CNTN5: variants seen among roughly 807,000 people sequenced by gnomAD.
CNTN5 encodes contactin 5.
CNTN5 carries 77 observed loss-of-function variants against 129.1 expected under a neutral mutation model. The ratio of observed to expected loss-of-function variants is 0.60; its 90% CI spans 0.50 to 0.72. The LOEUF is 0.72. Among genes scored for constraint, CNTN5 ranks in the 30% least tolerant of loss-of-function variants. CNTN5 has a pLI of 0.00. For synonymous variants in CNTN5, 509 were observed against 465.6 expected (o/e 1.09, Z -1.20); for missense variants, 1,478 against 1,328.8 (o/e 1.11, Z -1.75).
intron 9 of CNTN5, among the ~76,000 whole-genome samples, chr11:100,017,185 T>C (rs1049545660): frequency 6.6e-6 from 1 of 151,906 alleles, no homozygotes; most frequent in African/African-American, 2.4e-5. Flanking sequence ...GTTTTATATA[T>C]CCCTACAGAG....
chr11:99,107,320 T>G (rs1215959480), intron 1 of CNTN5, among the ~76,000 whole-genome samples: 1 of 152,194 alleles, frequency 6.6e-6, no homozygotes, highest in Non-Finnish European at 1.5e-5. Context: ...AACAAATTTA[T>G]GCAAAATTAA....
chr11:99,418,777 A>G (rs1008023089), intron 2 of CNTN5, among the ~76,000 whole-genome samples: 1 of 152,160 alleles, frequency 6.6e-6, no homozygotes, highest in Non-Finnish European at 1.5e-5. Flanking sequence ...TTTCTTAAGT[A>G]TCTGTCGAAT....
chr11:100,193,741 A>G, intron 15 of CNTN5, 78 bp downstream of exon 15: 2 of 1,233,772 alleles, frequency 1.6e-6, no homozygotes, highest in Non-Finnish European at 2.3e-6. Flanking sequence ...TTGCTTAGCT[A>G]TGAAGTGCTA....
chr11:100,000,835 G>A (rs1285264750), intron 8 of CNTN5, among the ~76,000 whole-genome samples: 3 of 152,182 alleles, frequency 2.0e-5, no homozygotes, highest in African/African-American at 7.2e-5. Context: ...ACACCACATG[G>A]AATTTGCCAA....
At chr11:99,129,068 TC>T (rs545387664) in intron 1 of CNTN5, among the ~76,000 whole-genome samples, 75 of 152,184 alleles carry the variant, frequency 4.9e-4, no homozygotes, top group Non-Finnish European at 8.7e-4. Context: ...CAAACACTTC[TC>T]CAGCAAGGCC....
At chr11:99,872,382 C>G (rs529908415) in intron 6 of CNTN5, among the ~76,000 whole-genome samples, 33 of 151,932 alleles carry the variant, frequency 2.2e-4, no homozygotes, top group Non-Finnish European at 4.0e-4. Context: ...TCCAAAAACA[C>G]AATATTTAAT....
intron 23 of CNTN5, 109 bp from the exon 24 acceptor site, chr11:100,350,593 C>T (rs1952386214): frequency 1.0e-5 from 8 of 762,538 alleles, no homozygotes; most frequent in Non-Finnish European, 1.7e-5. Context: ...ATGTATCTGT[C>T]TAAACTGTAA....
intron 1 of CNTN5, among the ~76,000 whole-genome samples, chr11:99,092,611 A>C (rs535341946): frequency 6.2e-4 from 95 of 152,214 alleles, no homozygotes; most frequent in African/African-American, 1.9e-3. Context: ...ATATCCATTA[A>C]CTTAGAAACC....
At chr11:99,886,243 C>T (rs1700049112) in intron 6 of CNTN5, among the ~76,000 whole-genome samples, 1 of 151,872 alleles carries the variant, frequency 6.6e-6, no homozygotes, top group South Asian at 2.1e-4. Context: ...TAAAATTCAG[C>T]ATAAAAATGT....
At chr11:100,174,660 G>T (rs1029702484) in intron 13 of CNTN5, among the ~76,000 whole-genome samples, 1 of 151,958 alleles carries the variant, frequency 6.6e-6, no homozygotes, top group Admixed American at 6.6e-5. Flanking sequence ...TTTGTTTTTT[G>T]TTTGTTTGTT....
intron 3 of CNTN5, among the ~76,000 whole-genome samples, chr11:99,791,114 T>A (rs2135434718): frequency 3.6e-5 from 1 of 28,076 alleles, no homozygotes; most frequent in African/African-American, 7.4e-5. Flanking sequence ...TGTTGATAGT[T>A]TTTTTTTTTC....
intron 8 of CNTN5, among the ~76,000 whole-genome samples, chr11:99,962,309 C>A (rs1244093038): frequency 7.7e-6 from 1 of 130,690 alleles, no homozygotes; most frequent in African/African-American, 2.7e-5. Context: ...CCCTCCCCCT[C>A]CCCCCACCCC....
intron 2 of CNTN5, among the ~76,000 whole-genome samples, chr11:99,480,796 G>A (rs1945566864): frequency 6.6e-6 from 1 of 151,898 alleles, no homozygotes. Flanking sequence ...CAGGCCATGA[G>A]GTATTTCTGT....
chr11:99,082,950 A>AT (rs1865865704), intron 1 of CNTN5, among the ~76,000 whole-genome samples: 1 of 151,994 alleles, frequency 6.6e-6, no homozygotes, highest in Admixed American at 6.6e-5. Context: ...TTAATTCTAG[A>AT]TTTTAGGATT....
intron 21 of CNTN5, among the ~76,000 whole-genome samples, chr11:100,328,064 A>T (rs535482806): frequency 1.1e-3 from 164 of 152,208 alleles, no homozygotes; most frequent in African/African-American, 3.8e-3. Flanking sequence ...AAAACCTAAC[A>T]AGCAGGCCAG....
chr11:99,492,973 G>A (rs1946093054), intron 2 of CNTN5, among the ~76,000 whole-genome samples: 1 of 152,148 alleles, frequency 6.6e-6, no homozygotes, highest in South Asian at 2.1e-4. Flanking sequence ...TCTGGAATGA[G>A]TAACTTATGG....
chr11:99,260,859 C>G (rs934541405), intron 1 of CNTN5, among the ~76,000 whole-genome samples: 1 of 151,812 alleles, frequency 6.6e-6, no homozygotes, highest in Admixed American at 6.6e-5. Flanking sequence ...CTTAGGAATC[C>G]TACAAATGCT....
intron 1 of CNTN5, among the ~76,000 whole-genome samples, chr11:99,190,265 A>G (rs12365098): frequency 0.21 from 31,971 of 151,566 alleles, 3,454 homozygotes; most frequent in Middle Eastern, 0.26. Flanking sequence ...TTGTGTTTAT[A>G]TGGCAGTACC....
chr11:99,979,823 C>A (rs190232858), intron 8 of CNTN5, among the ~76,000 whole-genome samples: 1 of 152,298 alleles, frequency 6.6e-6, no homozygotes, highest in East Asian at 1.9e-4. Flanking sequence ...ACAATTCATT[C>A]ATTATTCATC....
Sources: allele counts gnomAD v4.1 joint callset (sites outside exome capture counted in the v4.1 genomes callset), GRCh38; gene constraint gnomAD v4.1.1; transcripts MANE v1.5; gene names NCBI Gene and HGNC (gene_info 2026-07-23, HGNC 2026-07-21).